MYOM1: variants seen among roughly 807,000 people sequenced by gnomAD.
MYOM1 encodes myomesin-1.
In MYOM1, 164 loss-of-function variants were observed where a neutral mutation model predicts 205.3. The observed-to-expected ratio is 0.80, with a 90% CI of 0.70 to 0.91. The LOEUF (loss-of-function observed/expected upper bound fraction) is 0.91. Ranked by LOEUF, MYOM1 falls within the 40% of genes least tolerant of loss-of-function variation. The pLI is 0.00. For synonymous variants in MYOM1, 772 were observed against 789.4 expected, an observed-to-expected ratio of 0.98 and a Z score of 0.37; for missense variants, 2,011 against 2,127.3, an observed-to-expected ratio of 0.95 and a Z score of 1.08.
chr18:3,103,113 C>G (rs1330609611), intron 22 of MYOM1, among the ~76,000 whole-genome samples: 3 of 152,032 alleles, frequency 2.0e-5, no homozygotes, highest in African/African-American at 4.8e-5. Flanking sequence ...ATGAAGAACC[C>G]AAAAGGAAAT....
chr18:3,165,926 C>T (rs1229313766), intron 9 of MYOM1, among the ~76,000 whole-genome samples: 1 of 152,174 alleles, frequency 6.6e-6, no homozygotes, highest in Non-Finnish European at 1.5e-5. Flanking sequence ...ACAGACTGCC[C>T]CAAGTGCTCA....
At chr18:3,099,345 T>G (rs1198422722) in intron 25 of MYOM1, among the ~76,000 whole-genome samples, 2 of 152,222 alleles carry the variant, frequency 1.3e-5, no homozygotes, top group Non-Finnish European at 2.9e-5. Context: ...TTGTCCATAG[T>G]CTGGAATAGG....
rs760025363 is a variant in MYOM1, at chr18:3,179,211, G to A, written c.930-3077C>T. The stretch of plus-strand genomic sequence containing the variant: ...TATTCCTACTCCTGAGGAAGAATGA[G>A]TCATGGGCAAACAGCAGGCGCTCAG... On this transcript the variant is annotated intron_variant, in intron 5 of 37. Transcript: ENST00000356443. This position sits in a 1 kb window ranked among gnomAD's most constrained non-coding sequence, Gnocchi z 4.4. 1.3e-5 allele frequency among the ~76,000 whole-genome samples: 2 copies of A among 152,090 alleles called. No homozygotes were observed. Among genetic ancestry groups the A allele is most frequent in the Non-Finnish European group, 2.9e-5 (2 of 68,022 alleles).
intron 22 of MYOM1, among the ~76,000 whole-genome samples, chr18:3,103,387 T>A (rs1377966551): frequency 2.0e-5 from 3 of 152,282 alleles, no homozygotes; most frequent in South Asian, 4.1e-4. Context: ...AAAATTCAGT[T>A]AGTGTTTTGA....
chr18:3,213,263 T>C (rs569583201), intron 2 of MYOM1, among the ~76,000 whole-genome samples: 1 of 152,320 alleles, frequency 6.6e-6, no homozygotes, highest in East Asian at 1.9e-4. Context: ...ACCAGATATT[T>C]TGTGGGCTTA....
Position 3,148,027 on chromosome 18 carries a change from A to G in MYOM1, c.1900+1118T>C, listed in dbSNP as rs113356815. Among the ~76,000 whole-genome samples the G allele has an allele frequency of 5.9e-3, 901 of 152,340 alleles. 6 individuals are homozygous for G. Among genetic ancestry groups the G allele is most frequent in the South Asian group, 0.011 (51 of 4,818 alleles). On this transcript the variant is annotated intron_variant, in intron 13 of 37. Coordinates refer to ENST00000356443, the MANE Select transcript of MYOM1 (RefSeq NM_003803.4). The stretch of plus-strand genomic sequence containing the variant: ...GAGTAAAATGCAAATCAAAGCCACA[A>G]AGAAATACCACTATGAACCCACTAG...
chr18:3,072,973 A>ATT (rs770278592), intron 36 of MYOM1, among the ~76,000 whole-genome samples: 29,733 of 102,220 alleles, frequency 0.29, 4,952 homozygotes, highest in East Asian at 0.51. Flanking sequence ...AGATGTAAGC[A>ATT]TTTTTTTTTT....
intron 22 of MYOM1, among the ~76,000 whole-genome samples, chr18:3,109,783 A>AT (rs1238748783): frequency 2.6e-5 from 4 of 152,062 alleles, no homozygotes; most frequent in Non-Finnish European, 5.9e-5. Flanking sequence ...TATTATTATT[A>AT]TTTTTTCTTT....
At chr18:3,229,708 G>C in the MYOM1 span, among the ~76,000 whole-genome samples, 4 of 152,074 alleles carry the variant, frequency 2.6e-5, no homozygotes, top group Non-Finnish European at 5.9e-5. Context: ...GGTGGCTCAC[G>C]CCTGTAATCC....
chr18:3,086,720 A>G (rs2079158983), intron 29 of MYOM1, among the ~76,000 whole-genome samples: 1 of 152,196 alleles, frequency 6.6e-6, no homozygotes, highest in South Asian at 2.1e-4. Flanking sequence ...AAATGGACTA[A>G]ACAACTGCAT....
intron 13 of MYOM1, among the ~76,000 whole-genome samples, chr18:3,148,734 T>C (rs903322133): frequency 2.0e-5 from 3 of 150,298 alleles, no homozygotes; most frequent in African/African-American, 7.4e-5. Context: ...TAGTCCCAGC[T>C]GCTCGGGAGG....
chr18:3,193,454 C>T (rs941262109), intron 3 of MYOM1, among the ~76,000 whole-genome samples: 3 of 151,614 alleles, frequency 2.0e-5, no homozygotes, highest in African/African-American at 7.3e-5. Context: ...TGTCCAATCA[C>T]AAGCATCCCA....
In MYOM1 at chr18:3,152,569, G is replaced by A. The variant is rs916990296; in HGVS notation, c.1644-676C>T. Among the ~76,000 whole-genome samples the A allele has an allele frequency of 6.6e-6, 1 of 152,214 alleles. No homozygotes were observed. The highest frequency in any genetic ancestry group is 1.5e-5 in the Non-Finnish European group (1 of 68,040). ...ACAGCAGTTGGTACCTGGGGATGGAGTGGGTCATTCCCAGCAGACAAATAT... is the reference window on the plus strand; with the variant it reads ...ACAGCAGTTGGTACCTGGGGATGGAATGGGTCATTCCCAGCAGACAAATAT... On this transcript the variant is annotated intron_variant, in intron 11 of 37. Coordinates refer to ENST00000356443, the MANE Select transcript of MYOM1 (RefSeq NM_003803.4). This position sits in a 1 kb window ranked among gnomAD's most constrained non-coding sequence, Gnocchi z 4.3.
rs2079395752 is a variant in MYOM1, at chr18:3,102,599, A to G, written c.3450T>C (p.Asp1150=). The change falls in exon 23 of 38, where the codon GAT becomes GAC. Residue 1150 remains aspartate, a synonymous_variant. Transcript: ENST00000356443. ...CGAAGTTCAATGAAATGACTCCATC[A>G]TCATCCACATTTACAACAACCTCTT... The part of the protein sequence containing the change: ...GTKEVVVNVD[D]DGVISLNFEC... 1.2e-6 allele frequency: 2 copies of G among 1,613,920 alleles called. No homozygotes were observed. The highest frequency in any genetic ancestry group is 1.7e-6 in the Non-Finnish European group (2 of 1,179,838).
chr18:3,194,739 T>G (rs1038489962), intron 2 of MYOM1, among the ~76,000 whole-genome samples: 1 of 152,052 alleles, frequency 6.6e-6, no homozygotes, highest in Non-Finnish European at 1.5e-5. Flanking sequence ...CATACAAACA[T>G]AAACAATTTG....
chr18:3,083,427 C>A (rs375066057), intron 33 of MYOM1, among the ~76,000 whole-genome samples: 1 of 98,524 alleles, frequency 1.0e-5, no homozygotes, highest in African/African-American at 4.2e-5. Context: ...TTTTCTTTTT[C>A]TTTTTTTTTT....
At chr18:3,224,817 C>T (rs2081345806), upstream of MYOM1, among the ~76,000 whole-genome samples, 1 of 152,044 alleles carries the variant, frequency 6.6e-6, no homozygotes, top group African/African-American at 2.4e-5. Flanking sequence ...GCGCCCACCA[C>T]CATGCCCGGC....
At chr18:3,213,136 G>C (rs1340280816) in intron 2 of MYOM1, among the ~76,000 whole-genome samples, 1 of 152,086 alleles carries the variant, frequency 6.6e-6, no homozygotes, top group African/African-American at 2.4e-5. Flanking sequence ...AAACCCAACA[G>C]GGATTTCGGA....
rs1309964036 is a variant in MYOM1 at position 3,083,949 on chromosome 18, G to A, written c.4378+40C>T. On this transcript the variant is annotated intron_variant, in intron 32 of 37. Transcript: ENST00000356443. ...ATCTGCATGCCCCTCCTGGCAGGAG[G>A]ATCATAAAGCATTGTTGTGGTGCGA... 2.5e-6 allele frequency: 4 copies of A among 1,582,336 alleles called. No homozygotes were observed. The African/African-American group carries it at 4.0e-5, about 16-fold the overall frequency.
Sources: allele counts gnomAD v4.1 joint callset (sites outside exome capture counted in the v4.1 genomes callset), GRCh38; gene constraint gnomAD v4.1.1; non-coding constraint Gnocchi (gnomAD v3.1); transcripts MANE v1.5; gene names NCBI Gene and HGNC (gene_info 2026-07-23, HGNC 2026-07-21).